GABRG3: variants seen among roughly 807,000 people sequenced by gnomAD.
GABRG3 encodes the protein gamma-aminobutyric acid receptor subunit gamma-3.
Under a neutral mutation model 48.8 loss-of-function variants are expected in GABRG3, and 25 were observed. That is an observed-to-expected ratio of 0.51 (90% CI 0.37 to 0.72). The LOEUF (loss-of-function observed/expected upper bound fraction) is 0.72. Among genes scored for constraint, GABRG3 ranks in the 30% least tolerant of loss-of-function variants. The pLI is 0.00. For synonymous variants in GABRG3, 227 were observed against 217.6 expected, an observed-to-expected ratio of 1.04 and a Z score of -0.38; for missense variants, 394 against 577.9, an observed-to-expected ratio of 0.68 and a Z score of 3.26.
intron 3 of GABRG3, among the ~76,000 whole-genome samples, chr15:27,121,650 A>G (rs572125604): frequency 6.6e-6 from 1 of 152,354 alleles, no homozygotes; most frequent in South Asian, 2.1e-4. Flanking sequence ...CTTAGAAAGG[A>G]TATGTAATTT....
At chr15:27,105,839 A>G (rs1023295141) in intron 3 of GABRG3, among the ~76,000 whole-genome samples, 9 of 152,146 alleles carry the variant, frequency 5.9e-5, no homozygotes, top group Non-Finnish European at 1.5e-5. Flanking sequence ...TGCTCATTAT[A>G]GCGTATCCAC....
chr15:27,065,924 T>C (rs1241137700), intron 3 of GABRG3, among the ~76,000 whole-genome samples: 2 of 152,230 alleles, frequency 1.3e-5, no homozygotes, highest in African/African-American at 4.8e-5. Flanking sequence ...CTGGTCAATT[T>C]AGACATGTCA....
At chr15:27,291,889 A>G (rs2140486868) in intron 3 of GABRG3, among the ~76,000 whole-genome samples, 1 of 152,306 alleles carries the variant, frequency 6.6e-6, no homozygotes, top group South Asian at 2.1e-4. Flanking sequence ...GTGAGAGAGA[A>G]AGGGTATGGC....
intron 5 of GABRG3, among the ~76,000 whole-genome samples, chr15:27,451,494 G>T (rs565161453): frequency 6.6e-6 from 1 of 152,210 alleles, no homozygotes; most frequent in South Asian, 2.1e-4. Flanking sequence ...ATATGCAAAA[G>T]AATGAAATTG....
At position 27,048,359 on chromosome 15, in the gene GABRG3, C is replaced by T. The variant is rs138651694; in HGVS notation, c.270+21538C>T. On this transcript the variant is annotated intron_variant, in intron 3 of 9. Transcript: ENST00000615808. ...ATGCAAGCTCCAGGTGCCAGGCTCC[C>T]GGCTGACCTCACAAGCAGACTAGAT... Among the ~76,000 whole-genome samples, 8 of 152,228 alleles carry T rather than the reference C, an allele frequency of 5.3e-5. No individual in the cohort carries two copies. The East Asian group carries it at 9.7e-4, about 18-fold the overall frequency.
At chr15:27,313,331 A>C (rs1427101586) in intron 3 of GABRG3, among the ~76,000 whole-genome samples, 2 of 134,150 alleles carry the variant, frequency 1.5e-5, no homozygotes, top group Non-Finnish European at 3.2e-5. Context: ...GCACACCAAA[A>C]TACATGAAGC....
chr15:26,996,176 C>A (rs181169160), intron 2 of GABRG3, among the ~76,000 whole-genome samples: 1 of 152,108 alleles, frequency 6.6e-6, no homozygotes, highest in Admixed American at 6.5e-5. Flanking sequence ...TCTTTTATGA[C>A]AATCTATGTA....
rs142011898 is a variant in GABRG3 at position 27,288,019 on chromosome 15, G to T, written c.271-38790G>T. ...CCCAAAGTGCTGGGATTACAGGTGT[G>T]AGCCACCGTGCCTGGCCAATTTGTT... On this transcript the variant is annotated intron_variant, in intron 3 of 9. Transcript: ENST00000615808. Among the ~76,000 whole-genome samples the T allele has an allele frequency of 8.8e-3, 1,333 of 152,216 alleles. 21 individuals carry two copies. The highest frequency in any genetic ancestry group is 0.031 in the African/African-American group (1,286 of 41,524).
intron 5 of GABRG3, among the ~76,000 whole-genome samples, chr15:27,354,830 A>G (rs1216080195): frequency 6.6e-6 from 1 of 152,182 alleles, no homozygotes; most frequent in Non-Finnish European, 1.5e-5. Flanking sequence ...AAAGCTCCCA[A>G]AGTTCAGTGG....
chr15:27,461,348 C>G (rs1225718023), intron 5 of GABRG3, among the ~76,000 whole-genome samples: 1 of 152,142 alleles, frequency 6.6e-6, no homozygotes, highest in African/African-American at 2.4e-5. Flanking sequence ...CAAACATTGA[C>G]TAGTCTGATA....
intron 3 of GABRG3, among the ~76,000 whole-genome samples, chr15:27,185,697 A>G (rs942482515): frequency 2.0e-5 from 3 of 152,024 alleles, no homozygotes; most frequent in Admixed American, 6.6e-5. Context: ...TTTTTGCTTC[A>G]TGTATTTTGA....
At chr15:27,216,740 T>TTTTTTAA (rs59341702) in intron 3 of GABRG3, among the ~76,000 whole-genome samples, 3 of 127,184 alleles carry the variant, frequency 2.4e-5, no homozygotes, top group Admixed American at 8.1e-5. Context: ...TTTCTTTTTT[T>TTTTTTAA]TTTTTTATTT....
At chr15:27,519,273 C>G (rs903017406) in intron 6 of GABRG3, among the ~76,000 whole-genome samples, 1 of 152,100 alleles carries the variant, frequency 6.6e-6, no homozygotes, top group African/African-American at 2.4e-5. Context: ...ATTAAGCATG[C>G]ACCCTCTTTC....
At chr15:27,082,291 T>C (rs1278653022) in intron 3 of GABRG3, among the ~76,000 whole-genome samples, 1 of 152,210 alleles carries the variant, frequency 6.6e-6, no homozygotes, top group African/African-American at 2.4e-5. Context: ...CAATTTCACA[T>C]GAAGCCTCTT....
intron 6 of GABRG3, among the ~76,000 whole-genome samples, chr15:27,518,195 C>CAAAAAAAAAAAAAAAAAAAA (rs58222645): frequency 3.0e-4 from 26 of 88,020 alleles, no homozygotes; most frequent in African/African-American, 1.0e-3. Context: ...ACTAAAAATA[C>CAAAAAAAAAAAAAAAAAAAA]AAAAAAAAAA....
intron 6 of GABRG3, among the ~76,000 whole-genome samples, chr15:27,516,908 A>G (rs1404344675): frequency 6.6e-6 from 1 of 152,264 alleles, no homozygotes; most frequent in Non-Finnish European, 1.5e-5. Flanking sequence ...GGGATTGGAA[A>G]TAACAAGTTT....
At chr15:27,329,000 GA>G in intron 5 of GABRG3, 112 bp downstream of exon 5, 1 of 875,300 alleles carries the variant, frequency 1.1e-6, no homozygotes, top group South Asian at 1.5e-5. Context: ...CACACACAGA[GA>G]AAACTGATGA....
chr15:27,053,098 C>T (rs1392187054), intron 3 of GABRG3, among the ~76,000 whole-genome samples: 1 of 152,150 alleles, frequency 6.6e-6, no homozygotes, highest in Non-Finnish European at 1.5e-5. Flanking sequence ...TGGATATTGG[C>T]CTTGGCAAAG....
intron 3 of GABRG3, among the ~76,000 whole-genome samples, chr15:27,299,536 C>T (rs540620070): frequency 6.6e-6 from 1 of 152,246 alleles, no homozygotes; most frequent in African/African-American, 2.4e-5. Context: ...AATGTAAGCC[C>T]TCTAGTTCTG....
Sources: allele counts gnomAD v4.1 joint callset (sites outside exome capture counted in the v4.1 genomes callset), GRCh38; gene constraint gnomAD v4.1.1; transcripts MANE v1.5; gene names NCBI Gene and HGNC (gene_info 2026-07-23, HGNC 2026-07-21).